The following KRT36 variants were observed in gnomAD, a reference collection of about 807,000 sequenced individuals.
KRT36 encodes the protein keratin, type I cuticular Ha6.
A neutral mutation model predicts 43.0 loss-of-function variants in KRT36; 41 were observed. The ratio of observed to expected loss-of-function variants is 0.95; its 90% CI spans 0.74 to 1.24. KRT36 has a LOEUF of 1.24. KRT36 is among the 50% of genes most tolerant of loss of function. The pLI is 0.00. For synonymous variants in KRT36, 277 were observed against 252.9 expected (o/e 1.10, Z -0.90); for missense variants, 627 against 595.3 (o/e 1.05, Z -0.55).
At chr17:41,487,829 C>A in intron 3 of KRT36, 92 bp from the exon 4 acceptor site, 2 of 1,273,894 alleles carry the variant, frequency 1.6e-6, no homozygotes, top group South Asian at 2.7e-5. Flanking sequence ...TTCCCTCAGT[C>A]ACCAGCTGCA....
Position 41,488,713 on chromosome 17 carries a change from A to G in KRT36, c.471T>C (p.Thr157=), listed in dbSNP as rs756343340. The G allele has an allele frequency of 9.9e-6, 16 of 1,613,970 alleles. No homozygotes were observed. The highest frequency in any genetic ancestry group is 1.2e-5 in the Non-Finnish European group (14 of 1,180,002). The change falls in exon 2 of 7, where the codon ACT becomes ACC. Residue 157 remains threonine (T), a synonymous_variant. Coordinates refer to ENST00000328119, the MANE Select transcript of KRT36 (RefSeq NM_003771.5). ...GGACCAGCCTGGCATTCTCAGACTT[A>G]GTCAGCAGGATCTGGGGAACAAGAG... The part of the protein sequence containing the change: ...IEDFQQKILL[T]KSENARLVLQ...
Position 41,488,421 on chromosome 17 carries a change from A to G in KRT36, c.543-22T>C, listed in dbSNP as rs1219454291. 4.4e-6 allele frequency: 7 copies of G among 1,609,018 alleles called. No individual in the cohort carries two copies. In the East Asian group the frequency reaches 1.6e-4, roughly 36 times the overall value. ...ATACCTGCACACACAGAACCCTGCC[A>G]AGTCTGCAGCAAAGGAAACCACACA... On this transcript the variant is annotated intron_variant, in intron 2 of 6. Coordinates refer to ENST00000328119, the MANE Select transcript of KRT36 (RefSeq NM_003771.5).
At chr17:41,486,891 G>T in intron 6 of KRT36, 59 bp downstream of exon 6, 1 of 1,477,138 alleles carries the variant, frequency 6.8e-7, no homozygotes, top group Non-Finnish European at 9.3e-7. Flanking sequence ...TGGGCTTGAC[G>T]CCCTCCACAT....
At position 41,486,405 on chromosome 17, in the gene KRT36, TGGA is replaced by T. The variant is rs565828637; in HGVS notation, c.1372_1374del (p.Ser458del). On this transcript the variant is annotated inframe_deletion, in exon 7 of 7. Coordinates refer to ENST00000328119, the MANE Select transcript of KRT36 (RefSeq NM_003771.5). ...AGCGGGCGGGACTGCACGTGCTCCC[TGGA>T]GGAGATGACTTTCCCATCTCTGATC... 18,296 of 1,614,046 alleles carry T rather than the reference TGGA, an allele frequency of 0.011. 129 individuals are homozygous for T. Among genetic ancestry groups the T allele is most frequent in the Middle Eastern group, 0.036 (216 of 6,038 alleles).
Position 41,489,782 on chromosome 17 carries a change from A to G in KRT36, c.83T>C (p.Val28Ala). Reference sequence around the variant, plus strand: ...GGAGCCCACAGAACGGATGGAGGACACCCGAGAGATGCCGCCTGCTGTGCC... The same window carrying G: ...GGAGCCCACAGAACGGATGGAGGACGCCCGAGAGATGCCGCCTGCTGTGCC... ...LCGTAGGISR[V>A]SSIRSVGSCR... Residue 28 changes from valine to alanine, a missense_variant, in exon 1 of 7, where the codon GTG becomes GCG. By Grantham distance (64) the Val-to-Ala change is moderately conservative. Coordinates refer to ENST00000328119, the MANE Select transcript of KRT36 (RefSeq NM_003771.5). The G allele has an allele frequency of 6.2e-7, 1 of 1,613,778 alleles. No homozygotes were observed. The highest frequency in any genetic ancestry group is 8.5e-7 in the Non-Finnish European group (1 of 1,179,954).
In KRT36 at chr17:41,486,952, G is replaced by T; in HGVS notation, c.1206C>A (p.Cys402Ter). The T allele has an allele frequency of 6.2e-7, 1 of 1,611,590 alleles. No homozygotes were observed. Among genetic ancestry groups the T allele is most frequent in the Non-Finnish European group, 8.5e-7 (1 of 1,179,560 alleles). Residue 402 changes from cysteine (C) to a stop codon, truncating the protein, a stop_gained and splice_region_variant, in exon 6 of 7, where the codon TGC becomes TGA. Transcript: ENST00000328119. LOFTEE classifies it low-confidence loss of function (END_TRUNC). ...TYRHLLEGED[C>*]KLPPQPCATA... Reference sequence around the variant, plus strand: ...ACCCCAGCCCAAGGGCCACTCACTTGCAGTCCTCTCCCTCCAGCAGGTGGC... The same window carrying T: ...ACCCCAGCCCAAGGGCCACTCACTTTCAGTCCTCTCCCTCCAGCAGGTGGC...
At position 41,486,559 on chromosome 17, in the gene KRT36, T is replaced by C; in HGVS notation, c.1221A>G (p.Gln407=). Residue 407 remains glutamine (Q), a synonymous_variant, in exon 7 of 7, where the codon CAA becomes CAG. Coordinates refer to ENST00000328119, the MANE Select transcript of KRT36 (RefSeq NM_003771.5). The part of the protein sequence containing the change: ...LEGEDCKLPP[Q]PCATACKPVI... Reference sequence around the variant, plus strand: ...CAGGCTTGCATGCCGTGGCACAAGGTTGGGGAGGAAGCCTGAGGAAACAAA... The same window carrying C: ...CAGGCTTGCATGCCGTGGCACAAGGCTGGGGAGGAAGCCTGAGGAAACAAA... 6.3e-7 allele frequency: 1 copy of C among 1,576,426 alleles called. No homozygotes were observed. Among genetic ancestry groups the C allele is most frequent in the Non-Finnish European group, 8.6e-7 (1 of 1,162,554 alleles).
rs1418577631 is a variant in KRT36, at chr17:41,486,472, AGCC to A, written c.1305_1307del (p.Ala436del). ...TGCGGATCTGAGTGCCAACCTGGGG[AGCC>A]GGGGTGCAGGGCACAGAGGGGACAC... On this transcript the variant is annotated inframe_deletion, in exon 7 of 7. Transcript: ENST00000328119. 6.2e-7 allele frequency: 1 copy of A among 1,613,932 alleles called. No homozygotes were observed. Among genetic ancestry groups the A allele is most frequent in the East Asian group, 2.2e-5 (1 of 44,856 alleles).
Position 41,487,457 on chromosome 17 carries a change from T to C in KRT36, c.881A>G (p.Gln294Arg). The change falls in exon 5 of 7, where the codon CAG (glutamine) becomes CGG (arginine). Residue 294 changes from glutamine (Q) to arginine (R), a missense_variant. Transcript: ENST00000328119. ...FNTQTEELNQ[Q>R]VVSSSEQLQC... is the part of the protein sequence containing the mutation. Reference sequence around the variant, plus strand: ...CAGCTGCTCCGAGCTGGACACCACCTGCTGGTTCAGCTCCTCAGTCTGAAA... The same window carrying C: ...CAGCTGCTCCGAGCTGGACACCACCCGCTGGTTCAGCTCCTCAGTCTGAAA... The C allele has an allele frequency of 1.2e-6, 2 of 1,614,180 alleles. No homozygotes were observed. The highest frequency in any genetic ancestry group is 1.7e-5 in the Admixed American group (1 of 60,024).
Position 41,488,410 on chromosome 17 carries a change from A to G in KRT36, c.543-11T>C, listed in dbSNP as rs760308698. 4 of 1,612,008 alleles carry G rather than the reference A, an allele frequency of 2.5e-6. No homozygotes were observed. In the African/African-American group the frequency reaches 5.3e-5, roughly 22 times the overall value. ...AGCTCTGTCTCATACCTGCACACAC[A>G]GAACCCTGCCAAGTCTGCAGCAAAG... On this transcript the variant is annotated splice_polypyrimidine_tract_variant and intron_variant, in intron 2 of 6. Coordinates refer to ENST00000328119, the MANE Select transcript of KRT36 (RefSeq NM_003771.5).
In KRT36 at chr17:41,486,918, T is replaced by C. The variant is rs759858767; in HGVS notation, c.1208+32A>G. The C allele has an allele frequency of 1.9e-6, 3 of 1,593,268 alleles. No homozygotes were observed. The South Asian group carries it at 3.4e-5, about 18-fold the overall frequency. On this transcript the variant is annotated intron_variant, in intron 6 of 6. Coordinates refer to ENST00000328119, the MANE Select transcript of KRT36 (RefSeq NM_003771.5). The stretch of plus-strand genomic sequence containing the variant: ...CCTCCACATGGCACTGAGGGTTCAG[T>C]CAAGCCCTACCCCAGCCCAAGGGCC...
chr17:41,486,922 G>A (rs908848377), intron 6 of KRT36, 28 bp downstream of exon 6: 12 of 1,597,108 alleles, frequency 7.5e-6, no homozygotes, highest in Non-Finnish European at 1.0e-5. Flanking sequence ...GTTCAGTCAA[G>A]CCCTACCCCA....
chr17:41,487,011 T>C lies in KRT36; in HGVS notation c.1147A>G (p.Lys383Glu). ...NQEYQVLLDV[K>E]ARLEGEIATY... The stretch of plus-strand genomic sequence containing the variant: ...GCGATCTCGCCCTCCAGCCGGGCCT[T>C]GACGTCCAGTAACACCTGGTACTCC... The change falls in exon 6 of 7, where the codon AAG (lysine) becomes GAG (glutamate). Residue 383 changes from lysine to glutamate, a missense_variant. Coordinates refer to ENST00000328119, the MANE Select transcript of KRT36 (RefSeq NM_003771.5). 1 of 1,614,100 alleles carries C rather than the reference T, an allele frequency of 6.2e-7. No homozygotes were observed. Among genetic ancestry groups the C allele is most frequent in the South Asian group, 1.1e-5 (1 of 91,084 alleles).
Position 41,489,449 on chromosome 17 carries a change from T to C in KRT36, c.416A>G (p.Asp139Gly), listed in dbSNP as rs1904499884. 1.9e-6 allele frequency: 3 copies of C among 1,614,212 alleles called. No homozygotes were observed. The highest frequency in any genetic ancestry group is 2.5e-6 in the Non-Finnish European group (3 of 1,180,032). Residue 139 changes from aspartate to glycine, a missense_variant, in exon 1 of 7, where the codon GAC (aspartate) becomes GGC (glycine). Coordinates refer to ENST00000328119, the MANE Select transcript of KRT36 (RefSeq NM_003771.5). ...YEFQIPYICPDYQSYFKTIED... is the reference protein window; with the variant it reads ...YEFQIPYICPGYQSYFKTIED... ...GATGGTCTTGAAGTAGGACTGGTAG[T>C]CTGGGCAGATGTATGGGATCTGAAA...
At position 41,486,531 on chromosome 17, in the gene KRT36, T is replaced by TTTTA; in HGVS notation, c.1248_1249insTAAA (p.Ile417Ter). The stretch of plus-strand genomic sequence containing the variant: ...ACCGGGGGGACAGAAGGAACTCTAA[T>TTTTA]AACAGGCTTGCATGCCGTGGCACAA... On this transcript the variant is annotated stop_gained and frameshift_variant, in exon 7 of 7. Transcript: ENST00000328119. LOFTEE classifies it low-confidence loss of function (END_TRUNC). 6.2e-7 allele frequency: 1 copy of TTTTA among 1,602,672 alleles called. No homozygotes were observed. The highest frequency in any genetic ancestry group is 1.1e-5 in the South Asian group (1 of 89,558).
In KRT36 at chr17:41,489,400, C is replaced by A. The variant is rs1178599116; in HGVS notation, c.459+6G>T. ...CTCAGCTGGAAAGGGGCCAGGTCTC[C>A]CTCACCTTCTGCTGGAAATCTTCGA... On this transcript the variant is annotated splice_donor_region_variant and intron_variant, in intron 1 of 6. Transcript: ENST00000328119. 1 of 1,612,220 alleles carries A rather than the reference C, an allele frequency of 6.2e-7. No individual in the cohort carries two copies. The highest frequency in any genetic ancestry group is 1.1e-5 in the South Asian group (1 of 91,012).
At position 41,489,602 on chromosome 17, in the gene KRT36, G is replaced by A. The variant is rs765806661; in HGVS notation, c.263C>T (p.Ser88Phe). ...VGSGGWFCEGSFNGSEKETMQ... is the reference protein window; with the variant it reads ...VGSGGWFCEGFFNGSEKETMQ... Reference sequence around the variant, plus strand: ...AGTCTCCTTCTCGCTGCCGTTGAAGGAGCCCTCGCAGAACCAGCCCCCGCT... The same window carrying A: ...AGTCTCCTTCTCGCTGCCGTTGAAGAAGCCCTCGCAGAACCAGCCCCCGCT... Residue 88 changes from serine (S) to phenylalanine (F), a missense_variant, in exon 1 of 7, where the codon TCC becomes TTC. By Grantham distance (155) the Ser-to-Phe change is radical. Transcript: ENST00000328119. The A allele has an allele frequency of 4.3e-6, 7 of 1,614,196 alleles. No individual in the cohort carries two copies. The highest frequency in any genetic ancestry group is 1.1e-5 in the South Asian group (1 of 91,084).
chr17:41,487,570 C>G lies in KRT36; in HGVS notation c.861+6G>C, dbSNP rs1247641917. 2 of 1,613,784 alleles carry G rather than the reference C, an allele frequency of 1.2e-6. No homozygotes were observed. Among genetic ancestry groups the G allele is most frequent in the Non-Finnish European group, 1.7e-6 (2 of 1,179,754 alleles). On this transcript the variant is annotated splice_donor_region_variant and intron_variant, in intron 4 of 6. Coordinates refer to ENST00000328119, the MANE Select transcript of KRT36 (RefSeq NM_003771.5). ...AGCCTGTGGTCCCAGGGCACCCCAG[C>G]CCCACCTGGGTGTTGAACCAGGCCT...
chr17:41,487,072 C>G lies in KRT36; in HGVS notation c.1086G>C (p.Leu362=), dbSNP rs749596559. The G allele has an allele frequency of 2.1e-5, 34 of 1,614,106 alleles. No homozygotes were observed. The highest frequency in any genetic ancestry group is 2.8e-5 in the Non-Finnish European group (33 of 1,180,030). ...GCTCCAGGTCGCAGCGGATCTCAGA[C>G]AGCTGGGCCTCCACGTTGCTGATCA... ...QCLISNVEAQ[L]SEIRCDLERQ... is the part of the protein sequence containing the mutation. Residue 362 remains leucine, a synonymous_variant, in exon 6 of 7, where the codon CTG becomes CTC. Transcript: ENST00000328119.
Sources: gnomAD v4.1 joint callset for allele counts on GRCh38, gnomAD v4.1.1 for gene constraint, MANE v1.5 for transcripts, NCBI Gene and HGNC (gene_info 2026-07-23, HGNC 2026-07-21) for gene names.